MALT1: variants seen among roughly 807,000 people sequenced by gnomAD.
MALT1 encodes the protein MALT1 paracaspase.
In MALT1, 36 loss-of-function variants were observed where a neutral mutation model predicts 85.5. The observed-to-expected ratio is 0.42, with a 90% CI of 0.32 to 0.56. The LOEUF (loss-of-function observed/expected upper bound fraction) is 0.56. Among genes scored for constraint, MALT1 ranks in the 20% least tolerant of loss-of-function variants. The pLI is 0.10. For synonymous variants in MALT1, 359 were observed against 361.3 expected, an observed-to-expected ratio of 0.99 and a Z score of 0.07; for missense variants, 716 against 981.6, an observed-to-expected ratio of 0.73 and a Z score of 3.62.
chr18:58,727,633 T>G (rs1028710381), intron 10 of MALT1, among the ~76,000 whole-genome samples: 4 of 150,150 alleles, frequency 2.7e-5, no homozygotes, highest in Admixed American at 6.6e-5. Flanking sequence ...TTTTTGTTTT[T>G]TTTTTTTTTG....
In MALT1 at chr18:58,747,397, C is replaced by T. The variant is rs961599199; in HGVS notation, c.2038-8C>T. ...GCCAATAATAAACCAGATTTTTTTC[C>T]TTTTCAGGAACATCTAGTCTTCACA... is the stretch of plus-strand genomic sequence containing the variant. On this transcript the variant is annotated splice_region_variant and splice_polypyrimidine_tract_variant and intron_variant, in intron 16 of 16. Coordinates refer to ENST00000649217, the MANE Select transcript of MALT1 (RefSeq NM_006785.4). The T allele has an allele frequency of 6.3e-6, 10 of 1,578,764 alleles. No homozygotes were observed. In the Admixed American group the frequency reaches 9.1e-5, roughly 14 times the overall value.
At chr18:58,725,133 A>T (rs532129620) in intron 10 of MALT1, among the ~76,000 whole-genome samples, 63 of 151,540 alleles carry the variant, frequency 4.2e-4, no homozygotes, top group Admixed American at 4.1e-3. Flanking sequence ...CCGTCTCAAA[A>T]AAAAAAAAAA....
chr18:58,672,673 A>G (rs1406207642), intron 1 of MALT1: 2 of 152,258 alleles, frequency 1.3e-5, no homozygotes, highest in East Asian at 3.8e-4. Context: ...AACAGAAATA[A>G]TACTTTCGTG....
chr18:58,716,746 G>T (rs2054905764), intron 9 of MALT1, among the ~76,000 whole-genome samples: 1 of 152,146 alleles, frequency 6.6e-6, no homozygotes, highest in South Asian at 2.1e-4. Flanking sequence ...TAACTAGATA[G>T]GGCATATATT....
chr18:58,708,554 A>G (rs1324509819), intron 4 of MALT1, among the ~76,000 whole-genome samples: 1 of 152,146 alleles, frequency 6.6e-6, no homozygotes. Flanking sequence ...AACATGGTAG[A>G]CATTTGTGTG....
chr18:58,734,711 C>T (rs1360262429), intron 12 of MALT1: 1 of 257,518 alleles, frequency 3.9e-6, no homozygotes, highest in Non-Finnish European at 7.4e-6. Flanking sequence ...CATTCCATAT[C>T]ATGGTATCTT....
chr18:58,710,136 G>A (rs949414179), intron 6 of MALT1, 64 bp downstream of exon 6: 14 of 917,116 alleles, frequency 1.5e-5, no homozygotes, highest in Admixed American at 6.4e-5. Context: ...AAACTGCAAC[G>A]TTTAATTAAG....
chr18:58,747,313 T>TTGGGGG (rs1568158945), intron 16 of MALT1, 92 bp from the exon 17 acceptor site: 11 of 787,840 alleles, frequency 1.4e-5, no homozygotes, highest in Non-Finnish European at 2.1e-5. Context: ...GAGTGGATTT[T>TTGGGGG]TGGGGGTGGG....
intron 8 of MALT1, among the ~76,000 whole-genome samples, chr18:58,715,085 T>C (rs1319326119): frequency 1.3e-5 from 2 of 152,192 alleles, no homozygotes; most frequent in African/African-American, 4.8e-5. Flanking sequence ...AAAGCCTCAA[T>C]GAGACCTGCC....
chr18:58,675,697 T>C (rs2054229535), intron 1 of MALT1, among the ~76,000 whole-genome samples: 2 of 152,200 alleles, frequency 1.3e-5, no homozygotes, highest in African/African-American at 2.4e-5. Flanking sequence ...CTAAAACAAA[T>C]AAACTAAAAA....
chr18:58,696,205 A>G (rs960169554), intron 2 of MALT1, among the ~76,000 whole-genome samples, 161 bp from the exon 3 acceptor site: 1 of 152,252 alleles, frequency 6.6e-6, no homozygotes. Context: ...TGCAACTCAC[A>G]AAGTGTAAAT....
intron 10 of MALT1, among the ~76,000 whole-genome samples, chr18:58,726,725 A>G (rs571199217): frequency 7.2e-5 from 11 of 152,234 alleles, no homozygotes; most frequent in Non-Finnish European, 1.2e-4. Context: ...TGTTGTATAG[A>G]TGGCCAGGAT....
intron 2 of MALT1, among the ~76,000 whole-genome samples, chr18:58,689,810 T>G (rs1270871692): frequency 6.6e-6 from 1 of 152,102 alleles, no homozygotes; most frequent in Non-Finnish European, 1.5e-5. Flanking sequence ...GGGGTGGCGG[T>G]TGCGGGGGAT....
At chr18:58,691,013 G>A in intron 2 of MALT1, 1 of 287,600 alleles carries the variant, frequency 3.5e-6, no homozygotes. Flanking sequence ...GCAGATTTGT[G>A]CCCAAAACTC....
At chr18:58,700,891 A>T (rs923203799) in intron 4 of MALT1, among the ~76,000 whole-genome samples, 4 of 152,032 alleles carry the variant, frequency 2.6e-5, no homozygotes, top group African/African-American at 9.7e-5. Flanking sequence ...TCCCAGGTTC[A>T]AGTGATTCCT....
chr18:58,739,665 A>T (rs1004892753), intron 13 of MALT1, among the ~76,000 whole-genome samples: 1 of 152,210 alleles, frequency 6.6e-6, no homozygotes. Context: ...GTTTGCTAGC[A>T]GCCCGCCTCT....
chr18:58,722,671 C>T (rs1427107200), intron 9 of MALT1, among the ~76,000 whole-genome samples: 1 of 152,074 alleles, frequency 6.6e-6, no homozygotes, highest in African/African-American at 2.4e-5. Flanking sequence ...TGATGGGAAC[C>T]CAATTTCAAA....
At chr18:58,735,396 G>A in intron 13 of MALT1, 67 bp downstream of exon 13, 4 of 1,509,336 alleles carry the variant, frequency 2.7e-6, no homozygotes, top group East Asian at 2.3e-5. Flanking sequence ...CCTATTCAGG[G>A]TTCCCTCTCT....
chr18:58,684,844 AATTAT>A (rs1219428226), intron 2 of MALT1, among the ~76,000 whole-genome samples: 1 of 152,172 alleles, frequency 6.6e-6, no homozygotes, highest in Admixed American at 6.5e-5. Context: ...AAACTATTTT[AATTAT>A]ATTAAGAAGA....
Sources: allele counts gnomAD v4.1 joint callset (sites outside exome capture counted in the v4.1 genomes callset), GRCh38; gene constraint gnomAD v4.1.1; transcripts MANE v1.5; gene names NCBI Gene and HGNC (gene_info 2026-07-23, HGNC 2026-07-21).